The following DGKI variants were observed in gnomAD, a reference collection of about 807,000 sequenced individuals.
DGKI encodes DAG kinase iota.
A neutral mutation model predicts 147.5 loss-of-function variants in DGKI; 55 were observed. The ratio of observed to expected loss-of-function variants is 0.37; its 90% CI spans 0.30 to 0.47. DGKI has a LOEUF of 0.47. Among genes scored for constraint, DGKI ranks in the 20% least tolerant of loss-of-function variants. The pLI is 1.00. For missense variants in DGKI, 1,007 were observed against 1,323.8 expected, an observed-to-expected ratio of 0.76 and a Z score of 3.71; for synonymous variants, 469 against 477.1, an observed-to-expected ratio of 0.98 and a Z score of 0.22.
intron 1 of DGKI, among the ~76,000 whole-genome samples, chr7:137,717,541 A>G (rs763315002): frequency 2.0e-5 from 3 of 152,190 alleles, no homozygotes; most frequent in Non-Finnish European, 4.4e-5. Context: ...TCCGTTTACA[A>G]CTGAAAGCAG....
chr7:137,554,608 C>T (rs1818158641), intron 19 of DGKI, among the ~76,000 whole-genome samples: 1 of 152,050 alleles, frequency 6.6e-6, no homozygotes, highest in Admixed American at 6.5e-5. Context: ...GAATATTTTC[C>T]CTCAACCCCT....
intron 1 of DGKI, among the ~76,000 whole-genome samples, chr7:137,741,195 G>A (rs1405282643): frequency 6.6e-6 from 1 of 152,212 alleles, no homozygotes; most frequent in East Asian, 1.9e-4. Context: ...GCTATGCACA[G>A]GCAATGTCTA....
At chr7:137,611,843 C>T (rs138155925) in intron 8 of DGKI, among the ~76,000 whole-genome samples, 1 of 152,302 alleles carries the variant, frequency 6.6e-6, no homozygotes, top group Non-Finnish European at 1.5e-5. Flanking sequence ...CTATAATTCA[C>T]AGCATTTACT....
At chr7:137,654,078 C>CA (rs1480099707) in intron 5 of DGKI, among the ~76,000 whole-genome samples, 1 of 152,216 alleles carries the variant, frequency 6.6e-6, no homozygotes, top group Non-Finnish European at 1.5e-5. Flanking sequence ...CTCTGCTTCC[C>CA]ACTAACACAT....
rs147628002 is a variant in DGKI at position 137,824,254 on chromosome 7, C to T, written c.401+22208G>A. Among the ~76,000 whole-genome samples the T allele has an allele frequency of 3.1e-4, 47 of 152,270 alleles. No individual in the cohort carries two copies. The East Asian group carries it at 5.2e-3, about 17-fold the overall frequency. ...ACTATTGGCCAGGTGCAGCGGCTCA[C>T]GCCTATAATCCCAGCACTTTGGGAA... On this transcript the variant is annotated intron_variant, in intron 1 of 32. Transcript: ENST00000614521.
intron 23 of DGKI, among the ~76,000 whole-genome samples, chr7:137,472,343 AATTATTATATGTATATATACAT>A (rs1814983186): frequency 1.3e-5 from 1 of 78,772 alleles, no homozygotes; most frequent in African/African-American, 7.7e-5. Flanking sequence ...ATATACATAT[AATTATTATATGTATATATACAT>A]ATAATTATTA....
chr7:137,585,339 G>C lies in DGKI; in HGVS notation c.1433C>G (p.Thr478Ser), dbSNP rs1373311716. The change falls in exon 14 of 33, where the codon ACT becomes AGT. Residue 478 changes from threonine to serine, a missense_variant. By Grantham distance (58) the Thr-to-Ser change is moderately conservative. This residue lies in a region of DGKI where 224 missense variants were observed against 382.7 expected (regional missense o/e 0.59). Coordinates refer to ENST00000614521, the MANE Select transcript of DGKI (RefSeq NM_001321708.2). ...ARTLNWGGGY[T>S]DEPVSKILCQ... ...CAGGATCTTAGAAACAGGTTCATCAGTGTAGCCCTGAGGAATCAGAGAACA... is the reference window on the plus strand; with the variant it reads ...CAGGATCTTAGAAACAGGTTCATCACTGTAGCCCTGAGGAATCAGAGAACA... 10 of 1,613,948 alleles carry C rather than the reference G, an allele frequency of 6.2e-6. No individual in the cohort carries two copies. The East Asian group carries it at 2.2e-4, about 36-fold the overall frequency.
At chr7:137,626,800 C>T (rs1820960069) in intron 6 of DGKI, among the ~76,000 whole-genome samples, 2 of 152,120 alleles carry the variant, frequency 1.3e-5, no homozygotes, top group Admixed American at 1.3e-4. Flanking sequence ...CTAACTTGTC[C>T]CTCCACTGAT....
At chr7:137,471,262 A>G (rs1585145905) in intron 23 of DGKI, among the ~76,000 whole-genome samples, 1 of 152,154 alleles carries the variant, frequency 6.6e-6, no homozygotes, top group South Asian at 2.1e-4. Context: ...GGGATTTGAA[A>G]TGTTCAAATG....
chr7:137,842,651 AT>A (rs968669282), intron 1 of DGKI, among the ~76,000 whole-genome samples: 16 of 151,684 alleles, frequency 1.1e-4, no homozygotes, highest in African/African-American at 1.9e-4. Context: ...CCCTGTGTAA[AT>A]TTTTTTTTAA....
chr7:137,579,091 A>G lies in DGKI; in HGVS notation c.1643-766T>C, dbSNP rs147034523. On this transcript the variant is annotated intron_variant, in intron 15 of 32. Transcript: ENST00000614521. Reference sequence around the variant, plus strand: ...ATGTAGATGTATTGGCATAATTCTCAACTTAAAAGTATTACATTTTCTTGA... The same window carrying G: ...ATGTAGATGTATTGGCATAATTCTCGACTTAAAAGTATTACATTTTCTTGA... Among the ~76,000 whole-genome samples the G allele has an allele frequency of 9.6e-3, 1,465 of 152,292 alleles. 15 individuals carry two copies. The highest frequency in any genetic ancestry group is 0.024 in the Middle Eastern group (7 of 294).
intron 1 of DGKI, among the ~76,000 whole-genome samples, chr7:137,738,385 T>G (rs1795084265): frequency 1.3e-5 from 2 of 152,106 alleles, no homozygotes; most frequent in South Asian, 4.1e-4. Context: ...AAGGAGAACT[T>G]TGGGCTACCT....
intron 19 of DGKI, among the ~76,000 whole-genome samples, chr7:137,567,062 C>G (rs1288307332): frequency 1.3e-5 from 2 of 151,638 alleles, no homozygotes; most frequent in African/African-American, 4.9e-5. Flanking sequence ...GTCAGGAGTT[C>G]AAGACCAGCC....
At chr7:137,619,253 G>A (rs1820656381) in intron 8 of DGKI, among the ~76,000 whole-genome samples, 1 of 152,160 alleles carries the variant, frequency 6.6e-6, no homozygotes, top group South Asian at 2.1e-4. Context: ...TACTCACAAG[G>A]ACAGGAAGTG....
intron 1 of DGKI, among the ~76,000 whole-genome samples, chr7:137,711,264 A>C (rs1406034724): frequency 6.6e-6 from 1 of 152,228 alleles, no homozygotes. Context: ...ACCCTAGATA[A>C]TCTCTGGTAT....
At chr7:137,681,090 C>A (rs370650367) in intron 2 of DGKI, among the ~76,000 whole-genome samples, 1 of 152,186 alleles carries the variant, frequency 6.6e-6, no homozygotes, top group Non-Finnish European at 1.5e-5. Flanking sequence ...TTCAGGACAA[C>A]GCACAGGGAG....
chr7:137,749,873 G>T (rs1269552370), intron 1 of DGKI, among the ~76,000 whole-genome samples: 1 of 152,120 alleles, frequency 6.6e-6, no homozygotes, highest in African/African-American at 2.4e-5. Flanking sequence ...TCCAGACATA[G>T]CCAGGGGTGG....
intron 1 of DGKI, among the ~76,000 whole-genome samples, chr7:137,815,313 T>A (rs2117014339): frequency 6.6e-6 from 1 of 152,300 alleles, no homozygotes; most frequent in African/African-American, 2.4e-5. Flanking sequence ...CAGAAAATCA[T>A]CTTATTTGAG....
At chr7:137,464,333 T>A (rs1814572159) in intron 26 of DGKI, among the ~76,000 whole-genome samples, 1 of 149,322 alleles carries the variant, frequency 6.7e-6, no homozygotes, top group South Asian at 2.1e-4. Context: ...CTTGGCAGAA[T>A]GGACTTTCTC....
Sources: allele counts gnomAD v4.1 joint callset (sites outside exome capture counted in the v4.1 genomes callset), GRCh38; gene constraint gnomAD v4.1.1; regional missense constraint gnomAD v4.1.1; transcripts MANE v1.5; gene names NCBI Gene and HGNC (gene_info 2026-07-23, HGNC 2026-07-21).